The following IPO9 variants were observed in gnomAD, a reference collection of about 807,000 sequenced individuals.
The protein encoded by IPO9 is importin-9.
A neutral mutation model predicts 128.6 loss-of-function variants in IPO9; 28 were observed. The observed-to-expected ratio is 0.22, with a 90% CI of 0.16 to 0.30. The LOEUF (loss-of-function observed/expected upper bound fraction) is 0.30. IPO9 is among the 10% of genes least tolerant of loss of function. The pLI is 1.00. For synonymous variants in IPO9, 455 were observed against 475.8 expected (o/e 0.96, Z 0.57); for missense variants, 935 against 1,293.9 (o/e 0.72, Z 4.26).
chr1:201,836,856 G>T (rs140583513), intron 1 of IPO9, among the ~76,000 whole-genome samples: 9 of 152,300 alleles, frequency 5.9e-5, no homozygotes. Flanking sequence ...TTTTGAAACT[G>T]TAGGGGTCTG....
rs1002643384 is a variant in IPO9 at position 201,883,589 on chromosome 1, T to G, written c.*7535T>G. On this transcript the variant is annotated 3_prime_UTR_variant, in exon 24 of 24. Transcript: ENST00000361565. ...TTCTGAATTTGCAAGCTTAAGAGCA[T>G]GTATGAGCAGAACCTGTGCAGACCA... The G allele has an allele frequency of 6.6e-6, 1 of 152,298 alleles. No individual in the cohort carries two copies. The highest frequency in any genetic ancestry group is 1.5e-5 in the Non-Finnish European group (1 of 68,040). 9.4% of individuals were successfully genotyped at this position (152,298 alleles called of 1,614,324 possible).
At chr1:201,873,038 C>A in intron 20 of IPO9, 77 bp downstream of exon 20, 1 of 1,432,738 alleles carries the variant, frequency 7.0e-7, no homozygotes, top group Non-Finnish European at 9.4e-7. Flanking sequence ...GGAAGGAATG[C>A]ACTGTGGTGT....
intron 14 of IPO9, among the ~76,000 whole-genome samples, chr1:201,865,672 C>G (rs564866404): frequency 3.3e-4 from 51 of 152,278 alleles, no homozygotes; most frequent in Non-Finnish European, 5.4e-4. Context: ...TACTGATTGA[C>G]AAATAATTAT....
At chr1:201,831,840 C>T (rs984438636) in intron 1 of IPO9, among the ~76,000 whole-genome samples, 2 of 152,184 alleles carry the variant, frequency 1.3e-5, no homozygotes, top group African/African-American at 4.8e-5. Context: ...TTGCAAACTA[C>T]TTTCCACTTC....
At chr1:201,843,397 A>G (rs1680071720) in intron 1 of IPO9, among the ~76,000 whole-genome samples, 1 of 152,250 alleles carries the variant, frequency 6.6e-6, no homozygotes. Context: ...GGGGGAAAAA[A>G]AAAGAAAAGG....
chr1:201,858,378 T>C, intron 11 of IPO9, 69 bp from the exon 12 acceptor site: 1 of 798,566 alleles, frequency 1.3e-6, no homozygotes, highest in Non-Finnish European at 2.0e-6. Flanking sequence ...CAGTCATGAC[T>C]GAAGCGGTTT....
At position 201,854,838 on chromosome 1, in the gene IPO9, G is replaced by A. The variant is rs749660262; in HGVS notation, c.826G>A (p.Val276Met). 9 of 1,609,848 alleles carry A rather than the reference G, an allele frequency of 5.6e-6. No individual in the cohort carries two copies. The highest frequency in any genetic ancestry group is 5.1e-6 in the Non-Finnish European group (6 of 1,178,652). ...MEVLKAVTALVKNFPKHMVSS... is the reference protein window; with the variant it reads ...MEVLKAVTALMKNFPKHMVSS... ...AACTTCTTAGGCAGTGACAGCCCTA[G>A]TGAAAAACTTCCCAAAGCACATGGT... is the stretch of plus-strand genomic sequence containing the variant. Residue 276 changes from valine (V) to methionine (M), a missense_variant, in exon 8 of 24, where the codon GTG (valine) becomes ATG (methionine). Around this residue, in one of 3 missense-constraint regions of IPO9, gnomAD observed 741 missense variants for 1,019.1 expected, o/e 0.73. Coordinates refer to ENST00000361565, the MANE Select transcript of IPO9 (RefSeq NM_018085.5).
Position 201,869,210 on chromosome 1 carries a change from C to T in IPO9, c.2005-380C>T, listed in dbSNP as rs977731057. Among the ~76,000 whole-genome samples the T allele has an allele frequency of 2.6e-5, 4 of 152,260 alleles. No individual in the cohort carries two copies. In the East Asian group the frequency reaches 7.7e-4, roughly 29 times the overall value. On this transcript the variant is annotated intron_variant, in intron 16 of 23. Transcript: ENST00000361565. ...AGGTTGCAGTGAGTGGAGATCGTGC[C>T]ACTGCACTCCAGCCTGGGTGACAGA...
chr1:201,862,338 A>G (rs985746507), intron 13 of IPO9, among the ~76,000 whole-genome samples: 2 of 152,088 alleles, frequency 1.3e-5, no homozygotes, highest in African/African-American at 4.8e-5. Flanking sequence ...CGCACCTGTA[A>G]TCCCAGCTGC....
chr1:201,868,228 G>T (rs1171646385), intron 15 of IPO9, among the ~76,000 whole-genome samples: 1 of 150,756 alleles, frequency 6.6e-6, no homozygotes, highest in African/African-American at 2.4e-5. Flanking sequence ...TAGGAGATAT[G>T]TATGATTTCT....
intron 23 of IPO9, 137 bp from the exon 24 acceptor site, chr1:201,875,807 A>G (rs990648088): frequency 4.4e-6 from 3 of 686,570 alleles, no homozygotes; most frequent in African/African-American, 3.5e-5. Flanking sequence ...ATCCAAGAAC[A>G]TGAAAGACCA....
intron 6 of IPO9, among the ~76,000 whole-genome samples, chr1:201,853,550 A>T (rs1277854030): frequency 3.3e-5 from 5 of 149,332 alleles, no homozygotes; most frequent in Non-Finnish European, 7.4e-5. Flanking sequence ...TATTTTTTTT[A>T]TTTATTTGGG....
In IPO9 at chr1:201,874,198, C is replaced by G. The variant is rs1325618121; in HGVS notation, c.2711-52C>G. The G allele has an allele frequency of 3.7e-6, 6 of 1,600,808 alleles. No homozygotes were observed. The Admixed American group carries it at 8.4e-5, about 22-fold the overall frequency. ...ACTGAGGAGAGGACAGGGGTACTTC[C>G]AGAAGTAAGCTCAGTGACACTCTGA... is the stretch of plus-strand genomic sequence containing the variant. On this transcript the variant is annotated intron_variant, in intron 20 of 23. Transcript: ENST00000361565.
rs553267210 is a variant in IPO9, at chr1:201,856,499, A to G, written c.1122+565A>G. ...GTCTATCAGACTTAATCTATTCAGA[A>G]AATCGATCTATCAAAGGGTAACAGC... On this transcript the variant is annotated intron_variant, in intron 10 of 23. Coordinates refer to ENST00000361565, the MANE Select transcript of IPO9 (RefSeq NM_018085.5). Among the ~76,000 whole-genome samples the G allele has an allele frequency of 2.9e-4, 44 of 152,344 alleles. 1 individual carries two copies. In the South Asian group the frequency reaches 6.4e-3, roughly 22 times the overall value.
At chr1:201,853,152 C>G (rs910052277) in intron 6 of IPO9, 55 bp downstream of exon 6, 3 of 1,378,160 alleles carry the variant, frequency 2.2e-6, no homozygotes, top group Non-Finnish European at 3.1e-6. Context: ...TTTATTCATG[C>G]AGAGCAGTGA....
At chr1:201,864,039 CTA>C (rs34006046) in intron 14 of IPO9, among the ~76,000 whole-genome samples, 45,426 of 151,926 alleles carry the variant, frequency 0.3, 7,456 homozygotes, top group East Asian at 0.41. Context: ...CCAGTTTTAC[CTA>C]TCTTTTTTAA....
chr1:201,856,633 A>G lies in IPO9; in HGVS notation c.1123-463A>G, dbSNP rs551143277. Among the ~76,000 whole-genome samples, 361 of 152,242 alleles carry G rather than the reference A, an allele frequency of 2.4e-3. 2 individuals carry two copies. Among genetic ancestry groups the G allele is most frequent in the Admixed American group, 5.7e-3 (87 of 15,282 alleles). ...GTATTTATTTCTCTACATCAAAAAG[A>G]AAAGATTTTTTTAAGCTAGAGTTTT... On this transcript the variant is annotated intron_variant, in intron 10 of 23. Transcript: ENST00000361565.
At chr1:201,859,180 A>AATAAATATATATATAAATATATAT (rs371428335) in intron 13 of IPO9, among the ~76,000 whole-genome samples, 186 bp downstream of exon 13, 1 of 83,478 alleles carries the variant, frequency 1.2e-5, no homozygotes, top group Non-Finnish European at 2.5e-5. Flanking sequence ...CTCAAAGTAT[A>AATAAATATATATATAAATATATAT]ATATATATAT....
At chr1:201,835,912 C>T (rs1002729953) in intron 1 of IPO9, among the ~76,000 whole-genome samples, 1 of 152,006 alleles carries the variant, frequency 6.6e-6, no homozygotes. Flanking sequence ...GAGATCAAGA[C>T]CATCCTGGCT....
Sources: allele counts gnomAD v4.1 joint callset (sites outside exome capture counted in the v4.1 genomes callset), GRCh38; gene constraint gnomAD v4.1.1; regional missense constraint gnomAD v4.1.1; transcripts MANE v1.5; gene names NCBI Gene and HGNC (gene_info 2026-07-23, HGNC 2026-07-21).